CNTNAP2: variants seen among roughly 807,000 people sequenced by gnomAD.
The protein encoded by CNTNAP2 is contactin associated protein 2.
In CNTNAP2, 98 loss-of-function variants were observed where a neutral mutation model predicts 155.2. The ratio of observed to expected loss-of-function variants is 0.63; its 90% confidence interval spans 0.54 to 0.75. The LOEUF is 0.75. Ranked by LOEUF, CNTNAP2 falls within the 30% of genes least tolerant of loss-of-function variation. The pLI is 0.00. For missense variants in CNTNAP2, 1,727 were observed against 1,688.1 expected, an observed-to-expected ratio of 1.02 and a Z score of -0.40; for synonymous variants, 651 against 631.2, an observed-to-expected ratio of 1.03 and a Z score of -0.47.
chr7:147,431,767 T>A (rs373041424), intron 10 of CNTNAP2, among the ~76,000 whole-genome samples: 1 of 152,226 alleles, frequency 6.6e-6, no homozygotes, highest in Non-Finnish European at 1.5e-5. Flanking sequence ...CATCCCACTC[T>A]TGTTTTTCTC....
chr7:146,799,660 C>A (rs544567218), intron 2 of CNTNAP2, among the ~76,000 whole-genome samples: 9 of 152,294 alleles, frequency 5.9e-5, no homozygotes, highest in African/African-American at 2.2e-4. Context: ...AAGCGTATGA[C>A]TAAATGCAGC....
At chr7:148,031,370 G>A (rs1361924904) in intron 15 of CNTNAP2, among the ~76,000 whole-genome samples, 5 of 152,232 alleles carry the variant, frequency 3.3e-5, no homozygotes, top group Admixed American at 6.5e-5. Context: ...CTGAAGTTTA[G>A]TCAAGCTGAA....
intron 1 of CNTNAP2, among the ~76,000 whole-genome samples, chr7:146,499,614 C>G (rs1275262675): frequency 6.6e-6 from 1 of 152,024 alleles, no homozygotes; most frequent in Non-Finnish European, 1.5e-5. Flanking sequence ...CCCGAAGGCC[C>G]TAGTGTGTGA....
chr7:147,869,803 C>T (rs1799298254), intron 13 of CNTNAP2, among the ~76,000 whole-genome samples: 1 of 152,148 alleles, frequency 6.6e-6, no homozygotes, highest in Non-Finnish European at 1.5e-5. Flanking sequence ...CAAGGATTGG[C>T]TGGTTTAGCT....
chr7:147,542,249 T>C (rs1331836169), intron 11 of CNTNAP2, among the ~76,000 whole-genome samples: 4 of 152,008 alleles, frequency 2.6e-5, no homozygotes, highest in Non-Finnish European at 5.9e-5. Flanking sequence ...TTTTCCTTTC[T>C]TCTTTTTTAA....
intron 10 of CNTNAP2, among the ~76,000 whole-genome samples, chr7:147,473,061 G>A (rs1411189051): frequency 1.3e-5 from 2 of 152,160 alleles, no homozygotes; most frequent in Non-Finnish European, 2.9e-5. Context: ...TCAACTCAGG[G>A]CAATAATGTG....
At chr7:147,124,876 C>CTTT (rs371912854) in intron 6 of CNTNAP2, among the ~76,000 whole-genome samples, 18 of 80,060 alleles carry the variant, frequency 2.2e-4, no homozygotes, top group East Asian at 9.2e-4. Context: ...CCTTTTTTTC[C>CTTT]TTTTTTTTTT....
chr7:147,225,135 G>C (rs570643082), intron 8 of CNTNAP2, among the ~76,000 whole-genome samples: 1 of 152,034 alleles, frequency 6.6e-6, no homozygotes, highest in African/African-American at 2.4e-5. Context: ...ATGTCCTAAG[G>C]CCTTTCAAAT....
At chr7:147,472,249 G>A (rs1798238264) in intron 10 of CNTNAP2, among the ~76,000 whole-genome samples, 1 of 112,932 alleles carries the variant, frequency 8.9e-6, no homozygotes, top group Non-Finnish European at 1.6e-5. Context: ...GTCTCACTCA[G>A]TTGCCCAGGC....
intron 13 of CNTNAP2, among the ~76,000 whole-genome samples, chr7:147,858,147 G>A (rs1282802344): frequency 6.6e-6 from 1 of 152,172 alleles, no homozygotes; most frequent in Non-Finnish European, 1.5e-5. Context: ...GAGTGCAGTG[G>A]CGTGATCTTG....
chr7:147,951,894 A>C (rs1585045526), intron 14 of CNTNAP2, among the ~76,000 whole-genome samples: 1 of 152,036 alleles, frequency 6.6e-6, no homozygotes, highest in Admixed American at 6.5e-5. Context: ...TATATAACAA[A>C]CCTGCACATT....
Position 147,089,167 on chromosome 7 carries a change from T to C in CNTNAP2, c.551-18980T>C, listed in dbSNP as rs977734008. Among the ~76,000 whole-genome samples, 3 of 152,328 alleles carry C rather than the reference T, an allele frequency of 2.0e-5. No homozygotes were observed. The South Asian group carries it at 6.2e-4, about 32-fold the overall frequency. On this transcript the variant is annotated intron_variant, in intron 4 of 23. Transcript: ENST00000361727. ...CATGGGAGCTACATTACCCCAGCTGTTGCCCCTGCAGAGAGAATTATCTGT... is the reference window on the plus strand; with the variant it reads ...CATGGGAGCTACATTACCCCAGCTGCTGCCCCTGCAGAGAGAATTATCTGT...
chr7:146,756,803 G>A (rs966546670), intron 1 of CNTNAP2, among the ~76,000 whole-genome samples: 1 of 151,700 alleles, frequency 6.6e-6, no homozygotes, highest in African/African-American at 2.4e-5. Context: ...GAAATTATAG[G>A]TCTACACAGT....
chr7:147,878,572 A>T (rs907785985), intron 13 of CNTNAP2, among the ~76,000 whole-genome samples: 10 of 152,158 alleles, frequency 6.6e-5, no homozygotes, highest in African/African-American at 2.4e-4. Flanking sequence ...TTTATCAAAT[A>T]CTTTTATAGA....
chr7:147,121,744 T>A (rs1229413233), intron 6 of CNTNAP2: 1 of 152,450 alleles, frequency 6.6e-6, no homozygotes, highest in Non-Finnish European at 1.5e-5. Context: ...TTAAAAATAA[T>A]CAATGATCAC....
chr7:146,747,713 T>C (rs146346922), intron 1 of CNTNAP2, among the ~76,000 whole-genome samples: 240 of 152,298 alleles, frequency 1.6e-3, no homozygotes, highest in African/African-American at 5.5e-3. Flanking sequence ...GTTATGTAAG[T>C]GTGAGCTCTG....
At chr7:147,954,027 A>G (rs1800980523) in intron 14 of CNTNAP2, among the ~76,000 whole-genome samples, 2 of 152,292 alleles carry the variant, frequency 1.3e-5, no homozygotes, top group South Asian at 2.1e-4. Context: ...ACCAATTTAC[A>G]TGAAAAAGAA....
At chr7:146,561,025 A>T (rs535919480) in intron 1 of CNTNAP2, among the ~76,000 whole-genome samples, 1 of 152,190 alleles carries the variant, frequency 6.6e-6, no homozygotes, top group African/African-American at 2.4e-5. Flanking sequence ...AGTGTCAATT[A>T]TATATTATAA....
At chr7:147,692,928 T>G (rs908730306) in intron 13 of CNTNAP2, among the ~76,000 whole-genome samples, 5 of 152,102 alleles carry the variant, frequency 3.3e-5, no homozygotes, top group African/African-American at 1.2e-4. Flanking sequence ...CCATAGGTCG[T>G]CTAGATTTTC....
Sources: allele counts gnomAD v4.1 joint callset (sites outside exome capture counted in the v4.1 genomes callset), GRCh38; gene constraint gnomAD v4.1.1; transcripts MANE v1.5; gene names NCBI Gene and HGNC (gene_info 2026-07-23, HGNC 2026-07-21).